The following DHPS variants were observed in gnomAD, a reference collection of about 807,000 sequenced individuals.
DHPS encodes the protein deoxyhypusine synthase.
DHPS carries 24 observed loss-of-function variants against 38.7 expected under a neutral mutation model. The observed-to-expected ratio is 0.62, with a 90% CI of 0.45 to 0.87. The LOEUF is 0.87. Ranked by LOEUF, DHPS falls within the 40% of genes least tolerant of loss-of-function variation. DHPS has a pLI of 0.00. For missense variants in DHPS, 510 were observed against 497.6 expected, an observed-to-expected ratio of 1.02 and a Z score of -0.24; for synonymous variants, 250 against 204.4, an observed-to-expected ratio of 1.22 and a Z score of -1.90.
In DHPS at chr19:12,677,253, C is replaced by T. The variant is rs1568317872; in HGVS notation, c.784+38G>A. 4 of 1,613,676 alleles carry T rather than the reference C, an allele frequency of 2.5e-6. No homozygotes were observed. The African/African-American group carries it at 4.0e-5, about 16-fold the overall frequency. ...GAAGTCAGGCCTTGGACTCAGCCAG[C>T]CCTCCTTCCCCTCTCCTCTGTGGCC... is the stretch of plus-strand genomic sequence containing the variant. On this transcript the variant is annotated intron_variant, in intron 6 of 8. Coordinates refer to ENST00000210060, the MANE Select transcript of DHPS (RefSeq NM_001930.4).
chr19:12,677,170 T>A lies in DHPS; in HGVS notation c.826A>T (p.Thr276Ser), dbSNP rs1426317243. 1 of 1,614,226 alleles carries A rather than the reference T, an allele frequency of 6.2e-7. No individual in the cohort carries two copies. Among genetic ancestry groups the A allele is most frequent in the Non-Finnish European group, 8.5e-7 (1 of 1,180,050 alleles). The stretch of plus-strand genomic sequence containing the variant: ...CCCCCGCCCAGAATGATCATCCCAG[T>A]GCACTTGGCAAAGATGGCCTGTGTG... ...INTQAIFAKC[T>S]GMIILGGGVV... is the part of the protein sequence containing the mutation. The change falls in exon 7 of 9, where the codon ACT (threonine) becomes TCT (serine). Residue 276 changes from threonine to serine, a missense_variant. Thr to Ser is a moderately conservative substitution (Grantham distance 58, BLOSUM62 1). Coordinates refer to ENST00000210060, the MANE Select transcript of DHPS (RefSeq NM_001930.4).
At chr19:12,674,143 G>A (rs367682795), downstream of DHPS, among the ~76,000 whole-genome samples, 65 of 152,342 alleles carry the variant, frequency 4.3e-4, no homozygotes, top group South Asian at 0.012. Flanking sequence ...GGTCAGGCTG[G>A]GCTGCAGATG....
intron 1 of DHPS, 142 bp from the exon 2 acceptor site, chr19:12,680,467 T>C (rs1264744650): frequency 2.5e-6 from 2 of 797,724 alleles, no homozygotes; most frequent in Non-Finnish European, 4.0e-6. Context: ...CCAAGGAACA[T>C]CTCCTGTGTA....
At chr19:12,676,569 T>C (rs900320780) in intron 7 of DHPS, 1 of 219,994 alleles carries the variant, frequency 4.5e-6, no homozygotes, top group African/African-American at 2.3e-5. Flanking sequence ...CTTCTCTCAG[T>C]GCAAAAGCCA....
chr19:12,681,358 C>G, intron 1 of DHPS: 1 of 993,406 alleles, frequency 1.0e-6, no homozygotes, highest in Non-Finnish European at 1.4e-6. Flanking sequence ...GGTTACCGTA[C>G]CAGCATGTAA....
At chr19:12,678,163 C>T (rs1305736864) in intron 5 of DHPS, among the ~76,000 whole-genome samples, 3 of 151,568 alleles carry the variant, frequency 2.0e-5, no homozygotes, top group Non-Finnish European at 4.4e-5. Context: ...GATGCTGAGG[C>T]AGGAGAATTG....
downstream of DHPS, among the ~76,000 whole-genome samples, chr19:12,673,865 A>G (rs1339463841): frequency 6.6e-6 from 1 of 151,456 alleles, no homozygotes; most frequent in Non-Finnish European, 1.5e-5. Context: ...ATACCTGGCT[A>G]ATTTTTGTAT....
intron 3 of DHPS, 37 bp from the exon 4 acceptor site, chr19:12,679,756 ACC>A (rs1264925493): frequency 3.1e-6 from 5 of 1,613,910 alleles, no homozygotes; most frequent in Non-Finnish European, 4.2e-6. Context: ...AGGCCCCAGG[ACC>A]CTTGGTCCAG....
chr19:12,676,769 A>G, intron 7 of DHPS: 1 of 363,764 alleles, frequency 2.7e-6, no homozygotes, highest in Non-Finnish European at 5.3e-6. Flanking sequence ...GCTCAATGCT[A>G]GTACAGCAGC....
chr19:12,676,068 TG>T lies in DHPS; in HGVS notation c.962del (p.Pro321GlnfsTer65). ...TCTTGCCCCAGGAGACAGCCTCGTC[TG>T]GTCGGGCACCTGAGTCAGAGCCATC... ...EFDGSDSGAR[P>X]DEAVSWGKIR... is the part of the protein sequence containing the mutation. On this transcript the variant is annotated frameshift_variant, in exon 8 of 9. Coordinates refer to ENST00000210060, the MANE Select transcript of DHPS (RefSeq NM_001930.4). LOFTEE classifies it high-confidence loss of function. 1 of 1,614,134 alleles carries T rather than the reference TG, an allele frequency of 6.2e-7. No homozygotes were observed. Among genetic ancestry groups the T allele is most frequent in the Non-Finnish European group, 8.5e-7 (1 of 1,179,998 alleles).
downstream of DHPS, chr19:12,672,576 C>T: frequency 6.3e-6 from 3 of 479,768 alleles, no homozygotes; most frequent in Non-Finnish European, 1.2e-5. Context: ...CCATTGCACT[C>T]CAGCCTGAGC....
Position 12,681,853 on chromosome 19 carries a change from C to T in DHPS, c.-87G>A, listed in dbSNP as rs1448388846. 2 of 1,197,516 alleles carry T rather than the reference C, an allele frequency of 1.7e-6. No homozygotes were observed. The highest frequency in any genetic ancestry group is 2.4e-6 in the Non-Finnish European group (2 of 841,194). The allele number at this position is 1,197,516 out of a possible 1,614,324, so 74.2% of individuals were successfully genotyped here. On this transcript the variant is annotated 5_prime_UTR_variant, in exon 1 of 9. Transcript: ENST00000210060. ...ACGCGTTAAACCCCGACGCGCGCGT[C>T]TCCGCAAGAGCACAGGAAGTAGGGA...
downstream of DHPS, chr19:12,675,513 C>T (rs758759764): frequency 2.7e-5 from 44 of 1,602,186 alleles, 1 homozygote; most frequent in Non-Finnish European, 3.4e-5. Flanking sequence ...CCCTACCCCT[C>T]GCTCCACAGG....
rs1568320145 is a variant in DHPS, at chr19:12,680,332, G to A, written c.208-7C>T. On this transcript the variant is annotated splice_region_variant and splice_polypyrimidine_tract_variant and intron_variant, in intron 1 of 8. Coordinates refer to ENST00000210060, the MANE Select transcript of DHPS (RefSeq NM_001930.4). Reference sequence around the variant, plus strand: ...GTTCCAGCTTCTTCTCGATCTGTGAGTAAGGGCCAAGTCAAGTTAAGCACT... The same window carrying A: ...GTTCCAGCTTCTTCTCGATCTGTGAATAAGGGCCAAGTCAAGTTAAGCACT... The A allele has an allele frequency of 1.9e-6, 3 of 1,614,102 alleles. No individual in the cohort carries two copies. The highest frequency in any genetic ancestry group is 1.7e-6 in the Non-Finnish European group (2 of 1,179,982).
chr19:12,672,817 G>C (rs373928974), downstream of DHPS: 22 of 1,558,788 alleles, frequency 1.4e-5, no homozygotes, highest in African/African-American at 2.7e-4. Context: ...GTGTAGTCAA[G>C]GTTCCCGCTG....
downstream of DHPS, among the ~76,000 whole-genome samples, chr19:12,675,242 CA>C (rs1281597179): frequency 7.9e-5 from 12 of 152,194 alleles, no homozygotes; most frequent in African/African-American, 2.9e-4. Context: ...GCCTGGGCAA[CA>C]TGGTAAGACC....
downstream of DHPS, chr19:12,673,410 CTTTTTTTTT>C (rs58676851): frequency 2.8e-5 from 7 of 248,010 alleles, no homozygotes; most frequent in African/African-American, 1.6e-4. Flanking sequence ...AGGCTAGGAT[CTTTTTTTTT>C]TTTTTTTTTT....
downstream of DHPS, chr19:12,673,029 T>C (rs1360874555): frequency 3.7e-6 from 6 of 1,613,500 alleles, no homozygotes; most frequent in African/African-American, 1.3e-5. Flanking sequence ...TGCACCTGCT[T>C]CAGCCGGGAT....
At chr19:12,672,921 G>T (rs1318182445), downstream of DHPS, 4 of 1,599,202 alleles carry the variant, frequency 2.5e-6, no homozygotes, top group Non-Finnish European at 2.6e-6. Flanking sequence ...GGCAGTGAGT[G>T]TGGCTGGGGA....
Sources: allele counts gnomAD v4.1 joint callset (sites outside exome capture counted in the v4.1 genomes callset), GRCh38; gene constraint gnomAD v4.1.1; transcripts MANE v1.5; gene names NCBI Gene and HGNC (gene_info 2026-07-23, HGNC 2026-07-21).